The following UBR4 variants were observed in gnomAD, a reference collection of about 807,000 sequenced individuals.
UBR4 encodes the protein ubiquitin protein ligase E3 component n-recognin 4, also known as E3 ubiquitin-protein ligase UBR4.
Under a neutral mutation model 575.6 loss-of-function variants are expected in UBR4, and 124 were observed. That is an observed-to-expected ratio of 0.22 (90% CI 0.19 to 0.25). The LOEUF (loss-of-function observed/expected upper bound fraction) is 0.25, where lower values mean the gene tolerates loss of function less well. Among genes scored for constraint, UBR4 ranks in the 10% least tolerant of loss-of-function variants. The pLI is 1.00. For synonymous variants in UBR4, 2,455 were observed against 2,473.7 expected, an observed-to-expected ratio of 0.99 and a Z score of 0.22; for missense variants, 4,818 against 6,478.8, an observed-to-expected ratio of 0.74 and a Z score of 8.80.
intron 55 of UBR4, among the ~76,000 whole-genome samples, chr1:19,143,039 G>A (rs1269476482): frequency 6.6e-6 from 1 of 151,384 alleles, no homozygotes. Flanking sequence ...GCAGTGAGCT[G>A]AGATGGCACC....
At chr1:19,127,382 T>C (rs1332967183) in intron 63 of UBR4, among the ~76,000 whole-genome samples, 1 of 152,220 alleles carries the variant, frequency 6.6e-6, no homozygotes, top group Non-Finnish European at 1.5e-5. Flanking sequence ...TCTTCAATAA[T>C]GGAACTTCCA....
intron 3 of UBR4, 113 bp from the exon 4 acceptor site, chr1:19,199,041 A>G: frequency 1.6e-6 from 2 of 1,278,418 alleles, no homozygotes; most frequent in Non-Finnish European, 2.1e-6. Context: ...GTTCATATAA[A>G]CACTAAAGCA....
chr1:19,102,724 T>A (rs1303865572), intron 87 of UBR4, among the ~76,000 whole-genome samples: 2 of 152,096 alleles, frequency 1.3e-5, no homozygotes, highest in Non-Finnish European at 2.9e-5. Context: ...GAGAGGTGGA[T>A]AAAGCCCCGA....
In UBR4 at chr1:19,121,182, C is replaced by T; in HGVS notation, c.10141+7G>A. On this transcript the variant is annotated splice_region_variant and intron_variant, in intron 68 of 105. Transcript: ENST00000375254. The stretch of plus-strand genomic sequence containing the variant: ...TGTAGTCACAATGACAAGAGGGTGA[C>T]CCTTACCATCTTTCTCCTTTTCTTT... 1.2e-6 allele frequency: 2 copies of T among 1,613,222 alleles called. No individual in the cohort carries two copies. Among genetic ancestry groups the T allele is most frequent in the Non-Finnish European group, 1.7e-6 (2 of 1,179,678 alleles).
In UBR4 at chr1:19,094,180, A is replaced by G. The variant is rs771963108; in HGVS notation, c.13747-41T>C. 28 of 1,544,718 alleles carry G rather than the reference A, an allele frequency of 1.8e-5. No homozygotes were observed. In the South Asian group the frequency reaches 3.3e-4, roughly 18 times the overall value. ...GGGTGAACATGCCATTAATGCAGTCAGGACTGTGGCTGCAGCCAACATCTG... is the reference window on the plus strand; with the variant it reads ...GGGTGAACATGCCATTAATGCAGTCGGGACTGTGGCTGCAGCCAACATCTG... On this transcript the variant is annotated intron_variant, in intron 94 of 105. Transcript: ENST00000375254.
At chr1:19,206,533 A>G (rs2093023096) in intron 1 of UBR4, among the ~76,000 whole-genome samples, 1 of 152,140 alleles carries the variant, frequency 6.6e-6, no homozygotes, top group South Asian at 2.1e-4. Context: ...ACAGGGTTTC[A>G]CCATGTTAGC....
rs761304543 is a variant in UBR4 at position 19,200,474 on chromosome 1, GCACTTCGGGAGGCTGAGGTGGGTGGAT to G, written c.275-747_275-721del. Among the ~76,000 whole-genome samples the G allele has an allele frequency of 6.6e-5, 10 of 152,082 alleles. No individual in the cohort carries two copies. The South Asian group carries it at 8.3e-4, about 13-fold the overall frequency. ...ATAGTGGCTCACACCTATAATCCCA[GCACTTCGGGAGGCTGAGGTGGGTGGAT>G]CACTTCGGGAGGCTGAGGCGGGTGG... On this transcript the variant is annotated intron_variant, in intron 2 of 105. Coordinates refer to ENST00000375254, the MANE Select transcript of UBR4 (RefSeq NM_020765.3).
chr1:19,123,755 A>ACTCAAAATC (rs2081424984), intron 65 of UBR4, among the ~76,000 whole-genome samples: 2 of 152,258 alleles, frequency 1.3e-5, no homozygotes, highest in South Asian at 4.1e-4. Context: ...CAACTATGTA[A>ACTCAAAATC]CTCAAAATCC....
At position 19,160,832 on chromosome 1, in the gene UBR4, G is replaced by A. The variant is rs568662890; in HGVS notation, c.5406+85C>T. Reference sequence around the variant, plus strand: ...GTAAAGGAGAAAATGAGTTGCAAGGGGAGCCATGTGCATTATTTACTCTCA... The same window carrying A: ...GTAAAGGAGAAAATGAGTTGCAAGGAGAGCCATGTGCATTATTTACTCTCA... On this transcript the variant is annotated intron_variant, in intron 38 of 105. Coordinates refer to ENST00000375254, the MANE Select transcript of UBR4 (RefSeq NM_020765.3). 147 of 1,284,582 alleles carry A rather than the reference G, an allele frequency of 1.1e-4. No homozygotes were observed. The African/African-American group carries it at 1.9e-3, about 17-fold the overall frequency. 79.6% of individuals were successfully genotyped at this position (1,284,582 alleles called of 1,614,324 possible).
intron 61 of UBR4, 123 bp from the exon 62 acceptor site, chr1:19,128,441 T>C (rs2082055629): frequency 1.2e-6 from 1 of 811,786 alleles, no homozygotes; most frequent in Admixed American, 2.6e-5. Flanking sequence ...CTGTAATCCA[T>C]TATAGCGTTC....
chr1:19,185,448 T>C (rs1249399768), intron 14 of UBR4, among the ~76,000 whole-genome samples, 162 bp from the exon 15 acceptor site: 1 of 152,136 alleles, frequency 6.6e-6, no homozygotes, highest in Non-Finnish European at 1.5e-5. Flanking sequence ...TCTAAATGCA[T>C]ACATAAAATA....
chr1:19,100,007 G>A lies in UBR4; in HGVS notation c.13222-330C>T. The stretch of plus-strand genomic sequence containing the variant: ...CTCAACGGTCTGCCAGAAAGTAACT[G>A]ACACGGGGACATAAACCTGCACAGG... On this transcript the variant is annotated intron_variant, in intron 89 of 105. Transcript: ENST00000375254. This position sits in a 1 kb window ranked among gnomAD's most constrained non-coding sequence, Gnocchi z 4.2. The A allele has an allele frequency of 2.3e-6, 1 of 427,614 alleles. No homozygotes were observed. The allele number at this position is 427,614 out of a possible 1,614,324, so 26.5% of individuals were successfully genotyped here. A position where few individuals can be genotyped will look rare whatever the true frequency, so the allele number is the denominator to read the frequency against.
chr1:19,127,764 A>G, intron 62 of UBR4, 25 bp from the exon 63 acceptor site: 1 of 1,588,614 alleles, frequency 6.3e-7, no homozygotes, highest in East Asian at 2.2e-5. Context: ...GTAAGTCCAG[A>G]AACCTCTACT....
Position 19,112,615 on chromosome 1 carries a change from C to T in UBR4, c.11710G>A (p.Gly3904Ser). The T allele has an allele frequency of 2.5e-6, 4 of 1,614,244 alleles. No individual in the cohort carries two copies. The highest frequency in any genetic ancestry group is 3.4e-6 in the Non-Finnish European group (4 of 1,180,046). Residue 3904 changes from glycine (G) to serine (S), a missense_variant, in exon 78 of 106, where the codon GGC becomes AGC. By Grantham distance (56) the Gly-to-Ser change is moderately conservative (BLOSUM62 0). Transcript: ENST00000375254. Reference protein sequence around the residue: ...PALRHILVSQGLIRELFDYNL... With the variant: ...PALRHILVSQSLIRELFDYNL... ...TAATCAAAGAGCTCCCGGATAAGGC[C>T]CTGGGAGACAAGGATGTGCCTCAAG...
Position 19,138,122 on chromosome 1 carries a change from C to G in UBR4, c.8791G>C (p.Gly2931Arg). 6.3e-7 allele frequency: 1 copy of G among 1,598,614 alleles called. No homozygotes were observed. The highest frequency in any genetic ancestry group is 8.5e-7 in the Non-Finnish European group (1 of 1,170,906). ...GCTCCAGTGCTTGAGCTGACACTTC[C>G]TGGTCCAGCCGGATGCCCCTCAGCT... is the stretch of plus-strand genomic sequence containing the variant. ...ATAEGHPAGP[G>R]SVSSSTGAIS... is the part of the protein sequence containing the mutation. Residue 2931 changes from glycine (G) to arginine (R), a missense_variant, in exon 60 of 106, where the codon GGA (glycine) becomes CGA (arginine). Around this residue, in one of 29 missense-constraint regions of UBR4, gnomAD observed 57 missense variants for 101.5 expected, o/e 0.56. Transcript: ENST00000375254.
chr1:19,140,700 G>C, intron 58 of UBR4, 88 bp downstream of exon 58: 1 of 1,326,912 alleles, frequency 7.5e-7, no homozygotes, highest in Non-Finnish European at 1.0e-6. Context: ...GCCTGTCAAA[G>C]CAGCTGCCCA....
At chr1:19,092,281 G>A (rs2077597687) in intron 97 of UBR4, among the ~76,000 whole-genome samples, 1 of 151,920 alleles carries the variant, frequency 6.6e-6, no homozygotes, top group African/African-American at 2.4e-5. Context: ...TCTCTGTATT[G>A]TTTCTTAACA....
chr1:19,091,793 G>A (rs1001268092), intron 97 of UBR4, among the ~76,000 whole-genome samples: 8 of 152,080 alleles, frequency 5.3e-5, no homozygotes, highest in East Asian at 1.9e-4. Flanking sequence ...ACTATACAAC[G>A]CAGCAACTGC....
chr1:19,167,089 C>G lies in UBR4; in HGVS notation c.4042G>C (p.Ala1348Pro), dbSNP rs773280338. Residue 1348 changes from alanine (A) to proline (P), a missense_variant, in exon 29 of 106, where the codon GCT (alanine) becomes CCT (proline). By Grantham distance (27) the Ala-to-Pro change is conservative (BLOSUM62 -1). Transcript: ENST00000375254. The part of the protein sequence containing the change: ...LGPAESDEFL[A>P]RVYEKLITGC... ...GTGATCAGCTTCTCATAAACACGAG[C>G]CAAGAACTCATCAGACTCAGCAGGG... 6.2e-7 allele frequency: 1 copy of G among 1,614,194 alleles called. No individual in the cohort carries two copies. Among genetic ancestry groups the G allele is most frequent in the Non-Finnish European group, 8.5e-7 (1 of 1,180,040 alleles).
Sources: gnomAD v4.1 joint callset for allele counts (sites outside exome capture counted in the v4.1 genomes callset) on GRCh38, gnomAD v4.1.1 for gene constraint, gnomAD v4.1.1 regional missense constraint, Gnocchi (gnomAD v3.1) non-coding constraint, MANE v1.5 for transcripts, NCBI Gene and HGNC (gene_info 2026-07-23, HGNC 2026-07-21) for gene names.